SPAG17: variants seen among roughly 807,000 people sequenced by gnomAD.
The protein encoded by SPAG17 is sperm associated antigen 17.
SPAG17 carries 169 observed loss-of-function variants against 273.6 expected under a neutral mutation model. That is an observed-to-expected ratio of 0.62 (90% CI 0.55 to 0.70). SPAG17 has a LOEUF of 0.70. SPAG17 is among the 30% of genes least tolerant of loss of function. The pLI is 0.00. For synonymous variants in SPAG17, 825 were observed against 873.2 expected, an observed-to-expected ratio of 0.94 and a Z score of 0.97; for missense variants, 2,557 against 2,627.8, an observed-to-expected ratio of 0.97 and a Z score of 0.59.
chr1:118,030,073 T>C (rs921801204), intron 25 of SPAG17, among the ~76,000 whole-genome samples: 1 of 152,176 alleles, frequency 6.6e-6, no homozygotes, highest in Non-Finnish European at 1.5e-5. Context: ...CAAATTGGTT[T>C]GCTAGCAAGA....
At chr1:117,977,449 T>C (rs1224711230) in intron 43 of SPAG17, among the ~76,000 whole-genome samples, 4 of 152,258 alleles carry the variant, frequency 2.6e-5, no homozygotes, top group African/African-American at 9.6e-5. Context: ...ATTTGCTGTA[T>C]GATTTTTAGA....
At chr1:118,055,653 A>G in intron 19 of SPAG17, 80 bp downstream of exon 19, 1 of 1,198,950 alleles carries the variant, frequency 8.3e-7, no homozygotes, top group Non-Finnish European at 1.2e-6. Context: ...TATTGAAAAT[A>G]TTCACAGTCT....
Position 118,081,149 on chromosome 1 carries a change from A to C in SPAG17, c.2161T>G (p.Leu721Val). The change falls in exon 15 of 49, where the codon TTA becomes GTA. Residue 721 changes from leucine to valine, a missense_variant. Leu to Val is a conservative substitution (Grantham distance 32). Transcript: ENST00000336338. ...GCCTTCATGATGCTCTCCTGCTCTA[A>C]CAGCTGTCTATTATCAGGGACTGAG... ...KLSVPDNRQL[L>V]EQESIMKAQP... 2 of 1,613,924 alleles carry C rather than the reference A, an allele frequency of 1.2e-6. No homozygotes were observed. Among genetic ancestry groups the C allele is most frequent in the Non-Finnish European group, 1.7e-6 (2 of 1,179,954 alleles).
intron 32 of SPAG17, among the ~76,000 whole-genome samples, chr1:118,004,680 T>C (rs990584137): frequency 1.3e-5 from 2 of 152,208 alleles, no homozygotes; most frequent in African/African-American, 4.8e-5. Flanking sequence ...AGCACAGTAT[T>C]TGGGCAGGAA....
chr1:118,030,276 G>C (rs747087446), intron 25 of SPAG17, among the ~76,000 whole-genome samples: 1 of 151,898 alleles, frequency 6.6e-6, no homozygotes, highest in Non-Finnish European at 1.5e-5. Flanking sequence ...TGAAACCCAG[G>C]TTCTTGGGTA....
At chr1:118,073,821 A>G in intron 17 of SPAG17, 33 bp downstream of exon 17, 1 of 1,460,408 alleles carries the variant, frequency 6.8e-7, no homozygotes, top group Non-Finnish European at 9.4e-7. Flanking sequence ...GACCTATCTG[A>G]CCGTCTCCTA....
chr1:118,037,532 C>T (rs1393576896), intron 23 of SPAG17, among the ~76,000 whole-genome samples: 2 of 152,164 alleles, frequency 1.3e-5, no homozygotes, highest in Non-Finnish European at 2.9e-5. Flanking sequence ...GCCCCACTGT[C>T]TGTCATTCCC....
At chr1:117,968,747 G>T (rs754605779) in intron 46 of SPAG17, among the ~76,000 whole-genome samples, 1 of 152,296 alleles carries the variant, frequency 6.6e-6, no homozygotes, top group South Asian at 2.1e-4. Flanking sequence ...TGCTTTAAGA[G>T]CTTCAGACTC....
chr1:118,124,627 C>A (rs895744855), intron 3 of SPAG17, among the ~76,000 whole-genome samples: 3 of 152,210 alleles, frequency 2.0e-5, no homozygotes, highest in Non-Finnish European at 4.4e-5. Flanking sequence ...GTGTAACACA[C>A]AAATGGTTAT....
intron 4 of SPAG17, 84 bp downstream of exon 4, chr1:118,115,221 TAAGAA>T: frequency 2.0e-6 from 3 of 1,490,078 alleles, no homozygotes; most frequent in Non-Finnish European, 2.8e-6. Flanking sequence ...ATGGTAGGCT[TAAGAA>T]GAGAGGAAGT....
At chr1:118,090,114 G>C (rs1655267686) in intron 10 of SPAG17, among the ~76,000 whole-genome samples, 3 of 152,142 alleles carry the variant, frequency 2.0e-5, no homozygotes, top group Admixed American at 6.6e-5. Flanking sequence ...TAATACAATG[G>C]GGGATAAAAA....
At chr1:118,181,788 A>G (rs1211537961) in intron 1 of SPAG17, among the ~76,000 whole-genome samples, 1 of 152,214 alleles carries the variant, frequency 6.6e-6, no homozygotes, top group Non-Finnish European at 1.5e-5. Context: ...ATGCAAAATG[A>G]TGTAGCCACT....
chr1:118,050,623 T>C (rs1414743372), intron 20 of SPAG17, among the ~76,000 whole-genome samples: 1 of 152,174 alleles, frequency 6.6e-6, no homozygotes, highest in Non-Finnish European at 1.5e-5. Flanking sequence ...TCAGCATAGA[T>C]GCCAAGAACA....
At chr1:118,104,954 G>A (rs1437017374) in intron 4 of SPAG17, among the ~76,000 whole-genome samples, 1 of 152,166 alleles carries the variant, frequency 6.6e-6, no homozygotes, top group Non-Finnish European at 1.5e-5. Context: ...ATGCTTGCAG[G>A]CTGATGGAAT....
intron 3 of SPAG17, among the ~76,000 whole-genome samples, chr1:118,147,463 T>C (rs1242576624): frequency 6.6e-6 from 1 of 151,974 alleles, no homozygotes; most frequent in African/African-American, 2.4e-5. Flanking sequence ...CCTGAGAATA[T>C]ACACAAATAA....
chr1:117,965,341 C>T (rs557247185), intron 47 of SPAG17: 2 of 152,326 alleles, frequency 1.3e-5, no homozygotes, highest in South Asian at 2.1e-4. Flanking sequence ...CTCCCTAAAC[C>T]GACTCCAGAT....
chr1:118,065,528 T>G (rs1415949577), intron 18 of SPAG17, among the ~76,000 whole-genome samples: 1 of 152,148 alleles, frequency 6.6e-6, no homozygotes, highest in East Asian at 1.9e-4. Flanking sequence ...TAGCTGAATC[T>G]TGCCCATGAA....
intron 48 of SPAG17, chr1:117,960,114 G>GTA (rs1387108787): frequency 1.5e-5 from 1 of 66,918 alleles, no homozygotes; most frequent in Non-Finnish European, 4.6e-5. Flanking sequence ...ACACTCGTGT[G>GTA]TGTGTGTGTG....
intron 43 of SPAG17, among the ~76,000 whole-genome samples, chr1:117,977,328 G>T (rs543771130): frequency 6.6e-6 from 1 of 152,036 alleles, no homozygotes; most frequent in South Asian, 2.1e-4. Flanking sequence ...CTCAAAAAAA[G>T]AAATTAATAA....
Sources: allele counts gnomAD v4.1 joint callset (sites outside exome capture counted in the v4.1 genomes callset), GRCh38; gene constraint gnomAD v4.1.1; transcripts MANE v1.5; gene names NCBI Gene and HGNC (gene_info 2026-07-23, HGNC 2026-07-21).